Variants in AGMO observed in about 807,000 individuals in gnomAD.
AGMO encodes glyceryl-ether monooxygenase.
AGMO carries 75 observed loss-of-function variants against 60.2 expected under a neutral mutation model. The ratio of observed to expected loss-of-function variants is 1.25; its 90% confidence interval spans 1.03 to 1.51. The LOEUF (loss-of-function observed/expected upper bound fraction) is 1.51, where lower values mean the gene tolerates loss of function less well. Ranked by LOEUF, AGMO falls within the 40% of genes most tolerant of loss-of-function variation. The pLI, the probability that AGMO is intolerant of heterozygous loss-of-function variation, is 0.00. For synonymous variants in AGMO, 261 were observed against 177.1 expected (o/e 1.47, Z -3.76); for missense variants, 763 against 525.5 (o/e 1.45, Z -4.42).
intron 3 of AGMO, among the ~76,000 whole-genome samples, chr7:15,539,834 C>T (rs1170983952): frequency 1.3e-5 from 2 of 152,114 alleles, no homozygotes; most frequent in South Asian, 2.1e-4. Context: ...GTCATTCTGA[C>T]TAGTGTAAGA....
the AGMO span, among the ~76,000 whole-genome samples, chr7:15,170,956 T>C: frequency 1.3e-5 from 2 of 152,076 alleles, no homozygotes; most frequent in African/African-American, 4.8e-5. Context: ...ATTTAGACTT[T>C]GGTTGTGGTT....
At position 15,323,618 on chromosome 7, in the gene AGMO, A is replaced by G. The variant is rs187581955; in HGVS notation, c.1263+41896T>C. Among the ~76,000 whole-genome samples, 21 of 152,290 alleles carry G rather than the reference A, an allele frequency of 1.4e-4. No individual in the cohort carries two copies. In the East Asian group the frequency reaches 4.1e-3, roughly 29 times the overall value. On this transcript the variant is annotated intron_variant, in intron 12 of 12. Coordinates refer to ENST00000342526, the MANE Select transcript of AGMO (RefSeq NM_001004320.2). Reference sequence around the variant, plus strand: ...CAATTTCTTATAATATTTAGACAGAAAATAACGCGCTGATTCTCATATGAT... The same window carrying G: ...CAATTTCTTATAATATTTAGACAGAGAATAACGCGCTGATTCTCATATGAT...
At chr7:15,149,203 A>G in the AGMO span, among the ~76,000 whole-genome samples, 1 of 152,094 alleles carries the variant, frequency 6.6e-6, no homozygotes, top group South Asian at 2.1e-4. Flanking sequence ...TTCTTCATAT[A>G]TTCTGGATAG....
chr7:15,541,690 G>A (rs1784634613), intron 3 of AGMO, among the ~76,000 whole-genome samples: 1 of 151,744 alleles, frequency 6.6e-6, no homozygotes, highest in Admixed American at 6.6e-5. Flanking sequence ...ACTGTTTTCT[G>A]CTAACTGTCC....
At chr7:15,256,635 C>A (rs941623881) in intron 12 of AGMO, among the ~76,000 whole-genome samples, 4 of 152,096 alleles carry the variant, frequency 2.6e-5, no homozygotes, top group African/African-American at 4.8e-5. Flanking sequence ...GTGCTGGGAT[C>A]GCAGGCGCAA....
At chr7:15,273,797 T>C (rs946268750) in intron 12 of AGMO, among the ~76,000 whole-genome samples, 1 of 152,208 alleles carries the variant, frequency 6.6e-6, no homozygotes, top group African/African-American at 2.4e-5. Flanking sequence ...TTTTATTTTG[T>C]TGAGCAGTGG....
intron 3 of AGMO, among the ~76,000 whole-genome samples, chr7:15,434,799 T>C (rs1781353155): frequency 1.3e-5 from 2 of 152,162 alleles, no homozygotes. Flanking sequence ...TTTCTTGTTT[T>C]AAGCTTGTAA....
intron 12 of AGMO, among the ~76,000 whole-genome samples, chr7:15,274,827 C>G (rs1224921224): frequency 6.6e-6 from 1 of 150,950 alleles, no homozygotes; most frequent in Non-Finnish European, 1.5e-5. Flanking sequence ...TCTAGGTTTT[C>G]TAGTTTGTGC....
chr7:15,409,176 G>A (rs533949968), intron 5 of AGMO, among the ~76,000 whole-genome samples: 2 of 151,988 alleles, frequency 1.3e-5, no homozygotes, highest in East Asian at 3.9e-4. Context: ...CATCAGGGCT[G>A]GCCTCTGAAA....
chr7:15,370,720 ATTT>A (rs150158392), intron 10 of AGMO, among the ~76,000 whole-genome samples: 1,597 of 146,594 alleles, frequency 0.011, 37 homozygotes, highest in African/African-American at 0.039. Context: ...TTCTTTGCCC[ATTT>A]TTTAATGTGG....
chr7:15,402,615 T>TATATATTAA (rs898772583), intron 5 of AGMO, among the ~76,000 whole-genome samples: 3 of 147,588 alleles, frequency 2.0e-5, no homozygotes, highest in Non-Finnish European at 4.5e-5. Context: ...TTAATAATAA[T>TATATATTAA]ATATATTAAA....
chr7:15,531,534 T>A lies in AGMO; in HGVS notation c.409+13238A>T, dbSNP rs10244934. On this transcript the variant is annotated intron_variant, in intron 3 of 12. Coordinates refer to ENST00000342526, the MANE Select transcript of AGMO (RefSeq NM_001004320.2). Reference sequence around the variant, plus strand: ...TTCTCTATATATATTCTATATATATTCTCTATATATATTCTATATATATAT... The same window carrying A: ...TTCTCTATATATATTCTATATATATACTCTATATATATTCTATATATATAT... 2.0e-3 allele frequency among the ~76,000 whole-genome samples: 42 copies of A among 20,996 alleles called. 3 individuals carry two copies. Among genetic ancestry groups the A allele is most frequent in the African/African-American group, 2.4e-3 (10 of 4,172 alleles). The allele number at this position is 20,996 out of a possible 152,430, so 13.8% of individuals were successfully genotyped here.
intron 5 of AGMO, among the ~76,000 whole-genome samples, chr7:15,417,873 G>C (rs1675066799): frequency 1.3e-5 from 2 of 152,090 alleles, no homozygotes; most frequent in African/African-American, 2.4e-5. Context: ...ATGTTTAAAA[G>C]AGTGCTTGTG....
chr7:15,341,807 G>C (rs62450339), intron 12 of AGMO, among the ~76,000 whole-genome samples: 5,386 of 152,196 alleles, frequency 0.035, 105 homozygotes, highest in Admixed American at 0.053. Flanking sequence ...GAGGAGCAAA[G>C]GCATGTCTTT....
intron 12 of AGMO, among the ~76,000 whole-genome samples, chr7:15,253,713 C>G (rs1281497427): frequency 1.3e-5 from 2 of 152,016 alleles, no homozygotes; most frequent in Non-Finnish European, 2.9e-5. Flanking sequence ...ACTGAAAATT[C>G]TCTCTTCTAG....
chr7:15,546,824 CT>C (rs1784794022), intron 2 of AGMO, among the ~76,000 whole-genome samples: 1 of 152,286 alleles, frequency 6.6e-6, no homozygotes, highest in Admixed American at 6.5e-5. Flanking sequence ...TTGTTGGTTA[CT>C]TTTGCATGTT....
the AGMO span, among the ~76,000 whole-genome samples, chr7:15,169,538 G>A: frequency 3.3e-5 from 5 of 152,040 alleles, no homozygotes; most frequent in African/African-American, 1.2e-4. Context: ...CTGGGTTCAA[G>A]CAATTCTCCT....
chr7:15,378,230 C>T (rs1783530660), intron 10 of AGMO, among the ~76,000 whole-genome samples: 1 of 151,974 alleles, frequency 6.6e-6, no homozygotes, highest in Admixed American at 6.6e-5. Context: ...GGACAGACAG[C>T]ACATACAAAC....
At chr7:15,556,488 A>T (rs1388147767) in intron 2 of AGMO, among the ~76,000 whole-genome samples, 1 of 152,020 alleles carries the variant, frequency 6.6e-6, no homozygotes, top group Non-Finnish European at 1.5e-5. Context: ...AACCCATTAA[A>T]AACAAACATA....
Sources: allele counts gnomAD v4.1 joint callset (sites outside exome capture counted in the v4.1 genomes callset), GRCh38; gene constraint gnomAD v4.1.1; transcripts MANE v1.5; gene names NCBI Gene and HGNC (gene_info 2026-07-23, HGNC 2026-07-21).